INO80C: variants seen among roughly 807,000 people sequenced by gnomAD.
INO80C encodes the protein INO80 complex subunit C, also known as IES6 homolog.
Under a neutral mutation model 17.7 loss-of-function variants are expected in INO80C, and 17 were observed. That is an observed-to-expected ratio of 0.96 (90% CI 0.66 to 1.44). The LOEUF is 1.44. Among genes scored for constraint, INO80C ranks in the 40% most tolerant of loss-of-function variants. INO80C has a pLI of 0.00. For synonymous variants in INO80C, 96 were observed against 95.8 expected (o/e 1.00, Z -0.01); for missense variants, 244 against 245.0 (o/e 1.00, Z 0.03).
In INO80C at chr18:35,479,292, C is replaced by G; in HGVS notation, c.379+8G>C. The G allele has an allele frequency of 1.3e-6, 2 of 1,561,768 alleles. No homozygotes were observed. The highest frequency in any genetic ancestry group is 1.4e-5 in the African/African-American group (1 of 73,932). On this transcript the variant is annotated splice_region_variant and intron_variant, in intron 3 of 4. Transcript: ENST00000334598. ...TTACAAACACATGGAAGGCTCTAGA[C>G]AGCTCACAGTTAGGATCGTTCAGTT...
chr18:35,468,359 T>A lies in INO80C; in HGVS notation c.*252A>T. 1 of 1,325,562 alleles carries A rather than the reference T, an allele frequency of 7.5e-7. No individual in the cohort carries two copies. The highest frequency in any genetic ancestry group is 9.7e-7 in the Non-Finnish European group (1 of 1,034,482). 82.1% of individuals were successfully genotyped at this position (1,325,562 alleles called of 1,614,324 possible). A position where few individuals can be genotyped will look rare whatever the true frequency, so the allele number is the denominator to read the frequency against. Reference sequence around the variant, plus strand: ...AAATGAAAAGTATGGTTTTATTGTATCTTCTTGTCAAACACCTTTACTTGA... The same window carrying A: ...AAATGAAAAGTATGGTTTTATTGTAACTTCTTGTCAAACACCTTTACTTGA... On this transcript the variant is annotated 3_prime_UTR_variant, in exon 5 of 5. Transcript: ENST00000334598.
intron 4 of INO80C, among the ~76,000 whole-genome samples, chr18:35,473,327 C>G (rs1467283374): frequency 6.6e-6 from 1 of 152,190 alleles, no homozygotes; most frequent in African/African-American, 2.4e-5. Flanking sequence ...GACTGCAATG[C>G]CTGAGAAAAG....
At chr18:35,495,207 T>C (rs569037124) in intron 1 of INO80C, among the ~76,000 whole-genome samples, 5 of 152,224 alleles carry the variant, frequency 3.3e-5, no homozygotes, top group African/African-American at 7.2e-5. Context: ...TGTGGGCAGA[T>C]TGCTTGACCC....
intron 1 of INO80C, among the ~76,000 whole-genome samples, chr18:35,491,010 T>C (rs931135590): frequency 6.6e-6 from 1 of 152,236 alleles, no homozygotes; most frequent in Non-Finnish European, 1.5e-5. Context: ...TCTGCCCACC[T>C]GGGCCTCCCA....
chr18:35,497,599 C>CA (rs1195782486), intron 1 of INO80C, 120 bp downstream of exon 1: 1 of 1,440,770 alleles, frequency 6.9e-7, no homozygotes, highest in African/African-American at 1.5e-5. Flanking sequence ...CAGCGTCTTT[C>CA]AACCCCAACG....
At chr18:35,472,195 T>C (rs1457245838) in intron 4 of INO80C, among the ~76,000 whole-genome samples, 1 of 152,244 alleles carries the variant, frequency 6.6e-6, no homozygotes, top group Non-Finnish European at 1.5e-5. Context: ...TCCACAGCAG[T>C]TGAACTAGTT....
chr18:35,479,011 G>A (rs1454106632), intron 3 of INO80C: 2 of 261,060 alleles, frequency 7.7e-6, no homozygotes, highest in Non-Finnish European at 1.4e-5. Flanking sequence ...CACATTTTAA[G>A]AGTAGACTTT....
chr18:35,473,731 G>C (rs2045698026), intron 4 of INO80C, among the ~76,000 whole-genome samples: 1 of 151,818 alleles, frequency 6.6e-6, no homozygotes, highest in African/African-American at 2.4e-5. Flanking sequence ...CCACAGCTTG[G>C]GAAAAAAAAT....
In INO80C at chr18:35,478,184, G is replaced by T; in HGVS notation, c.447+98C>A. On this transcript the variant is annotated intron_variant, in intron 4 of 4. Coordinates refer to ENST00000334598, the MANE Select transcript of INO80C (RefSeq NM_194281.4). Reference sequence around the variant, plus strand: ...CACCTATCACTGTAGACAGGCTCCAGGCAGGACCAGCCATGATCAATATTC... The same window carrying T: ...CACCTATCACTGTAGACAGGCTCCATGCAGGACCAGCCATGATCAATATTC... The T allele has an allele frequency of 3.2e-6, 3 of 928,932 alleles. No individual in the cohort carries two copies. The South Asian group carries it at 4.8e-5, about 15-fold the overall frequency. 57.5% of individuals were successfully genotyped at this position (928,932 alleles called of 1,614,324 possible). A position where few individuals can be genotyped will look rare whatever the true frequency, so the allele number is the denominator to read the frequency against.
At chr18:35,493,005 A>T (rs2045947054) in intron 1 of INO80C, among the ~76,000 whole-genome samples, 1 of 152,252 alleles carries the variant, frequency 6.6e-6, no homozygotes, top group African/African-American at 2.4e-5. Context: ...TAACAGAGTG[A>T]TATCAAGAGA....
Position 35,497,887 on chromosome 18 carries a change from C to T in INO80C, c.-13G>A. 6.5e-7 allele frequency: 1 copy of T among 1,544,328 alleles called. No individual in the cohort carries two copies. Among genetic ancestry groups the T allele is most frequent in the South Asian group, 1.2e-5 (1 of 84,224 alleles). On this transcript the variant is annotated 5_prime_UTR_variant, in exon 1 of 5. Coordinates refer to ENST00000334598, the MANE Select transcript of INO80C (RefSeq NM_194281.4). ...TTTGCGCCGCCATCGCACTCCGAGT[C>T]TTCCCCTGGTCCCCCCACCTTTTTC...
At chr18:35,493,899 GATGA>G (rs2045954507) in intron 1 of INO80C, among the ~76,000 whole-genome samples, 1 of 152,196 alleles carries the variant, frequency 6.6e-6, no homozygotes, top group African/African-American at 2.4e-5. Flanking sequence ...AAATTTACGT[GATGA>G]AAGACCTATA....
intron 2 of INO80C, 60 bp from the exon 3 acceptor site, chr18:35,479,471 T>C (rs2045779026): frequency 9.7e-7 from 1 of 1,026,856 alleles, no homozygotes; most frequent in African/African-American, 1.6e-5. Context: ...CATTTCGACA[T>C]CTGACATTTA....
chr18:35,492,779 T>C (rs2045944940), intron 1 of INO80C, among the ~76,000 whole-genome samples: 1 of 152,242 alleles, frequency 6.6e-6, no homozygotes, highest in African/African-American at 2.4e-5. Context: ...CCACTTTAGA[T>C]GTTTTATTAG....
chr18:35,468,564 G>C lies in INO80C; in HGVS notation c.*47C>G. ...TCCGTGAAACAAAATCATGAGTCCA[G>C]AGTCTGTTTTTGAAACAGCTTTCCA... On this transcript the variant is annotated 3_prime_UTR_variant, in exon 5 of 5. Transcript: ENST00000334598. 1 of 1,613,404 alleles carries C rather than the reference G, an allele frequency of 6.2e-7. No homozygotes were observed. The highest frequency in any genetic ancestry group is 8.5e-7 in the Non-Finnish European group (1 of 1,179,640).
chr18:35,492,691 T>C (rs886583438), intron 1 of INO80C, among the ~76,000 whole-genome samples: 1 of 152,196 alleles, frequency 6.6e-6, no homozygotes, highest in Non-Finnish European at 1.5e-5. Flanking sequence ...CAGTCCAGCA[T>C]TATCTGGCTG....
chr18:35,486,786 TAAAA>T (rs374753662), intron 1 of INO80C, among the ~76,000 whole-genome samples: 1 of 79,682 alleles, frequency 1.3e-5, no homozygotes, highest in African/African-American at 5.3e-5. Flanking sequence ...CCCAATTTCT[TAAAA>T]AAAAAAAAAA....
intron 1 of INO80C, among the ~76,000 whole-genome samples, chr18:35,497,110 C>A (rs1387101956): frequency 6.6e-6 from 1 of 152,160 alleles, no homozygotes; most frequent in Non-Finnish European, 1.5e-5. Context: ...GCTGAAAATT[C>A]ATTGCTGGAA....
intron 1 of INO80C, among the ~76,000 whole-genome samples, chr18:35,493,686 T>G (rs2045952936): frequency 6.6e-6 from 1 of 152,236 alleles, no homozygotes; most frequent in African/African-American, 2.4e-5. Flanking sequence ...GCACTCAATT[T>G]TACTTTAGAA....
Sources: allele counts gnomAD v4.1 joint callset (sites outside exome capture counted in the v4.1 genomes callset), GRCh38; gene constraint gnomAD v4.1.1; transcripts MANE v1.5; gene names NCBI Gene and HGNC (gene_info 2026-07-23, HGNC 2026-07-21).